Variants in ANKRD55 observed in about 807,000 individuals in gnomAD.
The protein encoded by ANKRD55 is ankyrin repeat domain-containing protein 55.
A neutral mutation model predicts 60.6 loss-of-function variants in ANKRD55; 41 were observed. That is an observed-to-expected ratio of 0.68 (90% confidence interval 0.53 to 0.88). The LOEUF is 0.88. ANKRD55 is among the 40% of genes least tolerant of loss of function. The pLI, the probability that ANKRD55 is intolerant of heterozygous loss-of-function variation, is 0.00. For synonymous variants in ANKRD55, 264 were observed against 290.3 expected, an observed-to-expected ratio of 0.91 and a Z score of 0.92; for missense variants, 732 against 767.6, an observed-to-expected ratio of 0.95 and a Z score of 0.55.
intron 5 of ANKRD55, among the ~76,000 whole-genome samples, chr5:56,169,350 C>T (rs1354765229): frequency 1.3e-5 from 2 of 151,578 alleles, no homozygotes; most frequent in Non-Finnish European, 2.9e-5. Flanking sequence ...AGAAAAGGTA[C>T]ATTTTAAAGT....
chr5:56,101,448 A>G (rs971771080), intron 11 of ANKRD55, among the ~76,000 whole-genome samples: 1 of 152,138 alleles, frequency 6.6e-6, no homozygotes, highest in Non-Finnish European at 1.5e-5. Context: ...CAATTGGAAG[A>G]AAAAAAGAAA....
rs79902283 is a variant in ANKRD55 at position 56,107,473 on chromosome 5, G to A, written c.1630+3645C>T. ...ATTTCAAATAAGATGGAAATTTTTG[G>A]GTGGCACATGTGTCAGAATGTACTA... On this transcript the variant is annotated intron_variant, in intron 10 of 11. Transcript: ENST00000341048. 2.1e-4 allele frequency among the ~76,000 whole-genome samples: 32 copies of A among 152,100 alleles called. No individual in the cohort carries two copies. In the East Asian group the frequency reaches 6.2e-3, roughly 29 times the overall value.
At chr5:56,146,323 C>T (rs955859307) in intron 6 of ANKRD55, among the ~76,000 whole-genome samples, 6 of 150,162 alleles carry the variant, frequency 4.0e-5, no homozygotes, top group South Asian at 2.1e-4. Context: ...TTCGCTCTGT[C>T]GCCCAGGCTG....
chr5:56,170,087 C>T (rs6882930), intron 5 of ANKRD55, among the ~76,000 whole-genome samples: 25,031 of 152,152 alleles, frequency 0.16, 3,759 homozygotes, highest in African/African-American at 0.4. Context: ...GGAGCACACA[C>T]TTCTGGTTTC....
intron 5 of ANKRD55, among the ~76,000 whole-genome samples, chr5:56,169,912 G>C (rs1465935459): frequency 6.6e-6 from 1 of 152,206 alleles, no homozygotes; most frequent in African/African-American, 2.4e-5. Flanking sequence ...ACTGCTCTGA[G>C]GGGCTTTCTA....
intron 7 of ANKRD55, 39 bp from the exon 8 acceptor site, chr5:56,127,145 C>T (rs1203934187): frequency 6.6e-7 from 1 of 1,518,514 alleles, no homozygotes; most frequent in South Asian, 1.4e-5. Context: ...TATGTACAAT[C>T]CAGTGTTCTT....
At chr5:56,181,866 A>T (rs1197216331) in intron 3 of ANKRD55, among the ~76,000 whole-genome samples, 2 of 152,196 alleles carry the variant, frequency 1.3e-5, no homozygotes, top group South Asian at 2.1e-4. Flanking sequence ...AAGTGTTGGG[A>T]TTATAGGCGT....
intron 5 of ANKRD55, among the ~76,000 whole-genome samples, chr5:56,170,212 C>T (rs774966603): frequency 5.3e-5 from 8 of 152,098 alleles, no homozygotes; most frequent in Non-Finnish European, 1.0e-4. Context: ...TGCTCTTTTG[C>T]CCTATTTAAT....
intron 6 of ANKRD55, among the ~76,000 whole-genome samples, chr5:56,151,755 G>A (rs1193389106): frequency 6.6e-6 from 1 of 151,568 alleles, no homozygotes; most frequent in Non-Finnish European, 1.5e-5. Flanking sequence ...GGAGGTTGCA[G>A]TGAGCCAAAA....
intron 10 of ANKRD55, among the ~76,000 whole-genome samples, chr5:56,102,954 T>C (rs1217297897): frequency 6.6e-6 from 1 of 152,070 alleles, no homozygotes; most frequent in East Asian, 1.9e-4. Flanking sequence ...ATGAGTAGAG[T>C]ATTTTCTTCT....
At chr5:56,198,146 C>T (rs910140850) in intron 2 of ANKRD55, among the ~76,000 whole-genome samples, 1 of 152,062 alleles carries the variant, frequency 6.6e-6, no homozygotes, top group Non-Finnish European at 1.5e-5. Flanking sequence ...ATTTTTATTA[C>T]TTAATTGAAA....
chr5:56,229,093 G>GTTTT (rs77788173), intron 2 of ANKRD55, among the ~76,000 whole-genome samples: 7 of 126,772 alleles, frequency 5.5e-5, no homozygotes, highest in African/African-American at 2.1e-4. Flanking sequence ...CCCCTCGCCT[G>GTTTT]TTTTTTTTTT....
At chr5:56,124,381 C>T (rs562145712) in intron 8 of ANKRD55, among the ~76,000 whole-genome samples, 26 of 152,036 alleles carry the variant, frequency 1.7e-4, no homozygotes, top group Non-Finnish European at 2.4e-4. Flanking sequence ...TTCCTTTTCA[C>T]AAAAACTTTC....
chr5:56,176,100 C>T, intron 4 of ANKRD55, 52 bp downstream of exon 4: 1 of 1,606,034 alleles, frequency 6.2e-7, no homozygotes, highest in Non-Finnish European at 8.5e-7. Flanking sequence ...CCCATAATGA[C>T]ACCCTTCGCC....
At position 56,116,725 on chromosome 5, in the gene ANKRD55, C is replaced by T; in HGVS notation, c.855G>A (p.Leu285=). ...GCAGGTTGCTGTCCATTCCCAACTC[C>T]AGCAGTGACTGGACACATTCGGCCT... is the stretch of plus-strand genomic sequence containing the variant. ...AGKAECVQSL[L]ELGMDSNLRD... is the part of the protein sequence containing the mutation. Residue 285 remains leucine (L), a synonymous_variant, in exon 9 of 12, where the codon CTG becomes CTA. Transcript: ENST00000341048. 2 of 1,613,950 alleles carry T rather than the reference C, an allele frequency of 1.2e-6. No homozygotes were observed. Among genetic ancestry groups the T allele is most frequent in the South Asian group, 1.1e-5 (1 of 91,054 alleles).
intron 2 of ANKRD55, among the ~76,000 whole-genome samples, chr5:56,200,755 T>C (rs1287335806): frequency 6.6e-6 from 1 of 152,096 alleles, no homozygotes; most frequent in Non-Finnish European, 1.5e-5. Flanking sequence ...AAGGGCACAT[T>C]GGGTATTGCA....
chr5:56,105,129 C>T (rs1294028643), intron 10 of ANKRD55, among the ~76,000 whole-genome samples: 1 of 146,668 alleles, frequency 6.8e-6, no homozygotes, highest in Non-Finnish European at 1.5e-5. Flanking sequence ...CTCTGTTTCT[C>T]AGGATGGAAT....
intron 6 of ANKRD55, chr5:56,146,828 G>C (rs1162130072): frequency 1.3e-5 from 2 of 152,182 alleles, no homozygotes; most frequent in African/African-American, 4.8e-5. Flanking sequence ...GTGCGTTCAG[G>C]GTGGTTCTGG....
At chr5:56,202,671 A>T (rs937934149) in intron 2 of ANKRD55, among the ~76,000 whole-genome samples, 2 of 152,226 alleles carry the variant, frequency 1.3e-5, no homozygotes, top group African/African-American at 4.8e-5. Flanking sequence ...AAGAGATTTC[A>T]TTCTGTGGGG....
Sources: gnomAD v4.1 joint callset for allele counts (sites outside exome capture counted in the v4.1 genomes callset) on GRCh38, gnomAD v4.1.1 for gene constraint, MANE v1.5 for transcripts, NCBI Gene and HGNC (gene_info 2026-07-23, HGNC 2026-07-21) for gene names.